The following RIN2 variants were observed in gnomAD, a reference collection of about 807,000 sequenced individuals.
RIN2 encodes the protein RAB5 interacting protein 2.
In RIN2, 36 loss-of-function variants were observed where a neutral mutation model predicts 78.0. The observed-to-expected ratio is 0.46, with a 90% confidence interval of 0.35 to 0.61. The LOEUF (loss-of-function observed/expected upper bound fraction) is 0.61, where lower values mean the gene tolerates loss of function less well. Ranked by LOEUF, RIN2 falls within the 20% of genes least tolerant of loss-of-function variation. RIN2 has a pLI of 0.00. For synonymous variants in RIN2, 466 were observed against 466.8 expected, an observed-to-expected ratio of 1.00 and a Z score of 0.02; for missense variants, 1,087 against 1,159.7, an observed-to-expected ratio of 0.94 and a Z score of 0.91.
chr20:19,954,696 CTGTG>C (rs879382958), intron 4 of RIN2, among the ~76,000 whole-genome samples: 35,264 of 117,976 alleles, frequency 0.3, 4,504 homozygotes, highest in East Asian at 0.56. Flanking sequence ...ACAAACTGCC[CTGTG>C]CCCCTCACCC....
chr20:19,896,212 A>C (rs1194940741), intron 3 of RIN2, among the ~76,000 whole-genome samples: 1 of 151,982 alleles, frequency 6.6e-6, no homozygotes, highest in African/African-American at 2.4e-5. Flanking sequence ...TTTTTGAGAC[A>C]AAGTCTTGCT....
chr20:19,882,877 G>A (rs1002815606), intron 2 of RIN2, among the ~76,000 whole-genome samples: 2 of 152,048 alleles, frequency 1.3e-5, no homozygotes, highest in Non-Finnish European at 2.9e-5. Flanking sequence ...TAGAAATACT[G>A]AAAAAAATTA....
intron 1 of RIN2, among the ~76,000 whole-genome samples, chr20:19,793,857 T>A (rs2034964778): frequency 6.6e-6 from 1 of 152,168 alleles, no homozygotes; most frequent in African/African-American, 2.4e-5. Flanking sequence ...GACGCATTGC[T>A]GGGGTTGCTA....
intron 12 of RIN2, 85 bp from the exon 13 acceptor site, chr20:20,000,526 TAC>T: frequency 9.2e-7 from 1 of 1,085,746 alleles, no homozygotes; most frequent in South Asian, 1.6e-5. Context: ...GGAAATGGCT[TAC>T]AGTTACCCCC....
rs2041803989 is a variant in RIN2, at chr20:19,962,694, G to C, written c.463+1883G>C. On this transcript the variant is annotated intron_variant, in intron 6 of 12. Coordinates refer to ENST00000255006, the MANE Select transcript of RIN2 (RefSeq NM_018993.4). ...TCTCTGTGAATTGAGGTGAAGGAAG[G>C]ACTTGCTATAAAAACATTCAGGGAG... Among the ~76,000 whole-genome samples the C allele has an allele frequency of 2.6e-5, 4 of 152,234 alleles. No individual in the cohort carries two copies. In the South Asian group the frequency reaches 8.3e-4, roughly 32 times the overall value.
At chr20:19,887,729 C>G (rs2038260241) in intron 2 of RIN2, among the ~76,000 whole-genome samples, 1 of 152,204 alleles carries the variant, frequency 6.6e-6, no homozygotes, top group African/African-American at 2.4e-5. Context: ...AACTTCAGAA[C>G]AGAACAAAGG....
intron 2 of RIN2, among the ~76,000 whole-genome samples, chr20:19,821,273 TTTC>T (rs1158544589): frequency 1.3e-5 from 2 of 152,188 alleles, no homozygotes; most frequent in African/African-American, 4.8e-5. Context: ...AGCTTTTATC[TTTC>T]TAGATGTCTT....
At chr20:19,926,810 T>C (rs1360745296) in intron 3 of RIN2, among the ~76,000 whole-genome samples, 1 of 152,238 alleles carries the variant, frequency 6.6e-6, no homozygotes, top group Non-Finnish European at 1.5e-5. Context: ...ATAACATTCC[T>C]GAATGAGACT....
chr20:19,766,867 G>A (rs1279292744), intron 1 of RIN2, among the ~76,000 whole-genome samples: 1 of 150,850 alleles, frequency 6.6e-6, no homozygotes, highest in Non-Finnish European at 1.5e-5. Flanking sequence ...AGCTGAGATC[G>A]CGCCACTGCA....
intron 2 of RIN2, among the ~76,000 whole-genome samples, chr20:19,812,592 A>G (rs541484348): frequency 3.0e-4 from 45 of 152,156 alleles, no homozygotes; most frequent in Non-Finnish European, 5.9e-4. Context: ...GGGTTTGGAT[A>G]ATTGCAATTA....
intron 1 of RIN2, among the ~76,000 whole-genome samples, chr20:19,788,868 C>A (rs1018491670): frequency 1.3e-5 from 2 of 152,156 alleles, no homozygotes; most frequent in Non-Finnish European, 2.9e-5. Context: ...ATTAAAATTT[C>A]AAATAAGTCC....
intron 3 of RIN2, among the ~76,000 whole-genome samples, chr20:19,890,079 A>G (rs1250046200): frequency 6.6e-6 from 1 of 152,152 alleles, no homozygotes; most frequent in Non-Finnish European, 1.5e-5. Context: ...CAAACAAACA[A>G]ACAAAAAACA....
In RIN2 at chr20:19,940,289, T is replaced by C. The variant is rs573814778; in HGVS notation, c.158+5090T>C. 9.9e-5 allele frequency among the ~76,000 whole-genome samples: 15 copies of C among 152,252 alleles called. No individual in the cohort carries two copies. The East Asian group carries it at 2.7e-3, about 27-fold the overall frequency. On this transcript the variant is annotated intron_variant, in intron 4 of 12. Coordinates refer to ENST00000255006, the MANE Select transcript of RIN2 (RefSeq NM_018993.4). ...CACGCACTCGCAAGTATTTGTTGAA[T>C]GGATAAAGGAAAGGTGCCAAGCCCC...
At chr20:19,830,926 C>T (rs147769871) in intron 2 of RIN2, among the ~76,000 whole-genome samples, 1 of 152,224 alleles carries the variant, frequency 6.6e-6, no homozygotes, top group Admixed American at 6.5e-5. Flanking sequence ...ATAAGGTTGA[C>T]TCATCCTGAA....
chr20:19,970,565 C>G (rs1333872307), intron 7 of RIN2, among the ~76,000 whole-genome samples: 5 of 152,144 alleles, frequency 3.3e-5, no homozygotes, highest in Non-Finnish European at 5.9e-5. Flanking sequence ...ACTCTACATA[C>G]GTTTTAGCTA....
chr20:19,886,305 T>G (rs1400662653), intron 2 of RIN2, among the ~76,000 whole-genome samples: 2 of 152,242 alleles, frequency 1.3e-5, no homozygotes, highest in African/African-American at 2.4e-5. Context: ...AGGCAGGCAG[T>G]GCAGCCTGGA....
At chr20:19,882,273 A>G (rs6081790) in intron 2 of RIN2, among the ~76,000 whole-genome samples, 132,721 of 152,190 alleles carry the variant, frequency 0.87, 58,220 homozygotes, top group African/African-American at 0.97. Flanking sequence ...CACCTCACAG[A>G]GCAGGAATCT....
chr20:19,960,570 A>C (rs2041708106), intron 5 of RIN2, 130 bp from the exon 6 acceptor site: 1 of 702,400 alleles, frequency 1.4e-6, no homozygotes, highest in South Asian at 1.7e-5. Context: ...ATGGCAGGAG[A>C]GTTTCCTGCA....
At chr20:19,775,953 A>G (rs1461037432) in intron 1 of RIN2, among the ~76,000 whole-genome samples, 1 of 152,256 alleles carries the variant, frequency 6.6e-6, no homozygotes, top group Admixed American at 6.5e-5. Context: ...AAATACTAAT[A>G]CTAACAAATA....
Sources: allele counts gnomAD v4.1 joint callset (sites outside exome capture counted in the v4.1 genomes callset), GRCh38; gene constraint gnomAD v4.1.1; transcripts MANE v1.5; gene names NCBI Gene and HGNC (gene_info 2026-07-23, HGNC 2026-07-21).